DLGAP1: variants seen among roughly 807,000 people sequenced by gnomAD.
DLGAP1 encodes the protein disks large-associated protein 1.
DLGAP1 carries 11 observed loss-of-function variants against 90.8 expected under a neutral mutation model. The observed-to-expected ratio is 0.12, with a 90% CI of 0.08 to 0.20. DLGAP1 has a LOEUF of 0.20. Ranked by LOEUF, DLGAP1 falls within the 10% of genes least tolerant of loss-of-function variation. The pLI, the probability that DLGAP1 is intolerant of heterozygous loss-of-function variation, is 1.00. For missense variants in DLGAP1, 1,050 were observed against 1,333.8 expected, an observed-to-expected ratio of 0.79 and a Z score of 3.31; for synonymous variants, 558 against 540.7, an observed-to-expected ratio of 1.03 and a Z score of -0.44.
At chr18:4,357,792 C>T (rs1205510939) in intron 1 of DLGAP1, among the ~76,000 whole-genome samples, 1 of 152,184 alleles carries the variant, frequency 6.6e-6, no homozygotes, top group Non-Finnish European at 1.5e-5. Context: ...CAAACAGGCC[C>T]CTTTGGAGGG....
intron 7 of DLGAP1, chr18:3,602,917 G>T (rs28483222): frequency 0.039 from 5,890 of 152,294 alleles, 305 homozygotes; most frequent in East Asian, 0.19. Context: ...CTGTGGTTGA[G>T]ACTTCATGGT....
In DLGAP1 at chr18:3,600,915, G is replaced by GATATAGATATATATAGAT. The variant is rs2056948054; in HGVS notation, c.1592-18685_1592-18668dup. Among the ~76,000 whole-genome samples, 4 of 16,792 alleles carry GATATAGATATATATAGAT rather than the reference G, an allele frequency of 2.4e-4. 2 individuals are homozygous for GATATAGATATATATAGAT. The highest frequency in any genetic ancestry group is 5.3e-4 in the Non-Finnish European group (4 of 7,478). The allele number at this position is 16,792 out of a possible 152,430, so 11.0% of individuals were successfully genotyped here. ...ATAGATATATATAGATATATAGATA[G>GATATAGATATATATAGAT]ATATAGATATATATAGATATATAGA... On this transcript the variant is annotated intron_variant, in intron 7 of 12. Coordinates refer to ENST00000315677, the MANE Select transcript of DLGAP1 (RefSeq NM_004746.4).
chr18:4,112,877 G>A (rs80021367), intron 2 of DLGAP1, among the ~76,000 whole-genome samples: 9 of 152,104 alleles, frequency 5.9e-5, no homozygotes, highest in East Asian at 3.9e-4. Flanking sequence ...TTCTGTTCCC[G>A]TGTTAATTTG....
At chr18:4,267,105 A>G (rs893542477) in intron 1 of DLGAP1, among the ~76,000 whole-genome samples, 2 of 152,122 alleles carry the variant, frequency 1.3e-5, no homozygotes, top group Non-Finnish European at 2.9e-5. Context: ...GGTTTGGGAC[A>G]TTTTATGACA....
At chr18:4,440,259 T>C (rs545449046) in intron 1 of DLGAP1, among the ~76,000 whole-genome samples, 1 of 151,842 alleles carries the variant, frequency 6.6e-6, no homozygotes, top group Admixed American at 6.6e-5. Flanking sequence ...TTTTAGAAAA[T>C]ATTACTTATC....
chr18:3,912,670 C>T (rs760362971), intron 3 of DLGAP1, among the ~76,000 whole-genome samples: 42 of 152,232 alleles, frequency 2.8e-4, no homozygotes, highest in Admixed American at 1.0e-3. Flanking sequence ...GTGATAGGGG[C>T]GTGCCTCTGA....
intron 10 of DLGAP1, among the ~76,000 whole-genome samples, chr18:3,532,785 T>C (rs572013211): frequency 6.6e-6 from 1 of 152,270 alleles, no homozygotes; most frequent in Admixed American, 6.5e-5. Context: ...AATAATAATG[T>C]TTCAGAGGAA....
At chr18:3,728,293 G>A (rs2062263190) in intron 7 of DLGAP1, among the ~76,000 whole-genome samples, 2 of 124,830 alleles carry the variant, frequency 1.6e-5, no homozygotes, top group African/African-American at 3.5e-5. Context: ...TTTTTGGAAC[G>A]CAAATGTTAT....
At chr18:4,385,723 A>C (rs1027806606) in intron 1 of DLGAP1, among the ~76,000 whole-genome samples, 4 of 152,190 alleles carry the variant, frequency 2.6e-5, no homozygotes, top group African/African-American at 9.7e-5. Flanking sequence ...TACATAATAC[A>C]AATACACACA....
At chr18:3,671,271 TG>T (rs2060080440) in intron 7 of DLGAP1, among the ~76,000 whole-genome samples, 1 of 152,100 alleles carries the variant, frequency 6.6e-6, no homozygotes, top group Admixed American at 6.5e-5. Flanking sequence ...AGCTCATGGT[TG>T]CCTAGGATCA....
At chr18:4,226,575 T>C (rs915051261) in intron 1 of DLGAP1, among the ~76,000 whole-genome samples, 1 of 151,726 alleles carries the variant, frequency 6.6e-6, no homozygotes, top group Admixed American at 6.6e-5. Flanking sequence ...ATAGAGTTTT[T>C]ATTAGTTTTC....
chr18:4,239,125 G>A (rs903993011), intron 1 of DLGAP1, among the ~76,000 whole-genome samples: 7 of 152,262 alleles, frequency 4.6e-5, no homozygotes, highest in African/African-American at 1.7e-4. Flanking sequence ...CCGTACAGCA[G>A]CTCTGATTGC....
chr18:3,592,783 G>A (rs1368789106), intron 7 of DLGAP1, among the ~76,000 whole-genome samples: 1 of 131,046 alleles, frequency 7.6e-6, no homozygotes, highest in African/African-American at 2.8e-5. Flanking sequence ...GGTGGAGGCC[G>A]CAATGAGCCA....
At position 4,196,064 on chromosome 18, in the gene DLGAP1, G is replaced by A. The variant is rs529405198; in HGVS notation, c.-266-44777C>T. On this transcript the variant is annotated intron_variant, in intron 1 of 12. Coordinates refer to ENST00000315677, the MANE Select transcript of DLGAP1 (RefSeq NM_004746.4). ...CAAAGAAAATCCACATGGGACTGGT[G>A]CTCCTTCATCCAGTGCTTCATTCAA... Among the ~76,000 whole-genome samples, 197 of 152,312 alleles carry A rather than the reference G, an allele frequency of 1.3e-3. 1 individual carries two copies. The South Asian group carries it at 0.014, about 11-fold the overall frequency.
At chr18:3,580,725 A>T (rs1185546385) in intron 8 of DLGAP1, 3 of 1,613,728 alleles carry the variant, frequency 1.9e-6, no homozygotes, top group Non-Finnish European at 1.7e-6. Context: ...GCCTCTCAGG[A>T]CCAGGACAGC....
At chr18:4,305,659 T>C (rs1187792569) in intron 1 of DLGAP1, among the ~76,000 whole-genome samples, 1 of 152,172 alleles carries the variant, frequency 6.6e-6, no homozygotes, top group Non-Finnish European at 1.5e-5. Context: ...TAAAGTACTA[T>C]TGTTATTTCA....
At chr18:3,726,454 T>TGA (rs35741226) in intron 7 of DLGAP1, among the ~76,000 whole-genome samples, 69 of 149,400 alleles carry the variant, frequency 4.6e-4, no homozygotes, top group African/African-American at 9.1e-4. Context: ...GGTGTGTGTG[T>TGA]GAGAGAGAGA....
chr18:3,785,056 A>T (rs1363146129), intron 5 of DLGAP1, among the ~76,000 whole-genome samples: 1 of 152,138 alleles, frequency 6.6e-6, no homozygotes, highest in Non-Finnish European at 1.5e-5. Context: ...TTCCCTTCTC[A>T]TATGTTTTTA....
chr18:4,212,844 T>A (rs991032493), intron 1 of DLGAP1, among the ~76,000 whole-genome samples: 2 of 152,150 alleles, frequency 1.3e-5, no homozygotes, highest in Non-Finnish European at 2.9e-5. Context: ...CCAATTTTAA[T>A]CATTCAAAAA....
Sources: allele counts gnomAD v4.1 joint callset (sites outside exome capture counted in the v4.1 genomes callset), GRCh38; gene constraint gnomAD v4.1.1; transcripts MANE v1.5; gene names NCBI Gene and HGNC (gene_info 2026-07-23, HGNC 2026-07-21).